The following USP47 variants were observed in gnomAD, a reference collection of about 807,000 sequenced individuals.
USP47 encodes ubiquitin specific peptidase 47.
In USP47, 35 loss-of-function variants were observed where a neutral mutation model predicts 165.1. That is an observed-to-expected ratio of 0.21 (90% CI 0.16 to 0.28). The LOEUF is 0.28. Among genes scored for constraint, USP47 ranks in the 10% least tolerant of loss-of-function variants. The pLI is 1.00. For missense variants in USP47, 1,277 were observed against 1,607.4 expected, an observed-to-expected ratio of 0.79 and a Z score of 3.52; for synonymous variants, 531 against 544.5, an observed-to-expected ratio of 0.98 and a Z score of 0.35.
At chr11:11,941,021 A>C (rs1052924191) in intron 19 of USP47, among the ~76,000 whole-genome samples, 1 of 151,130 alleles carries the variant, frequency 6.6e-6, no homozygotes. Context: ...TTGCCTACTT[A>C]TTTTTCTCTG....
intron 18 of USP47, among the ~76,000 whole-genome samples, chr11:11,939,136 G>C (rs1184979997): frequency 2.0e-5 from 3 of 151,862 alleles, no homozygotes; most frequent in Non-Finnish European, 4.4e-5. Flanking sequence ...TCAAATTTTG[G>C]GGGGCAAAAG....
In USP47 at chr11:11,900,222, G is replaced by T. The variant is rs916558968; in HGVS notation, c.594-2493G>T. The stretch of plus-strand genomic sequence containing the variant: ...CGCCCAGGCTGGAGTGCAGTGGCGC[G>T]ATCTCGGCTCACTGCAGGCTCTGCC... On this transcript the variant is annotated intron_variant, in intron 5 of 27. Coordinates refer to ENST00000527733, the MANE Select transcript of USP47 (RefSeq NM_001282659.2). Among the ~76,000 whole-genome samples the T allele has an allele frequency of 2.1e-5, 3 of 145,782 alleles. No individual in the cohort carries two copies. The East Asian group carries it at 6.1e-4, about 30-fold the overall frequency.
chr11:11,882,429 A>T (rs1433570140), intron 2 of USP47, among the ~76,000 whole-genome samples: 1 of 152,158 alleles, frequency 6.6e-6, no homozygotes, highest in Non-Finnish European at 1.5e-5. Context: ...TTATTCCATA[A>T]TATATTTGTT....
rs751301988 is a variant in USP47 at position 11,942,784 on chromosome 11, A to G, written c.2763A>G (p.Glu921=). 1 of 1,613,662 alleles carries G rather than the reference A, an allele frequency of 6.2e-7. No individual in the cohort carries two copies. The highest frequency in any genetic ancestry group is 1.1e-5 in the South Asian group (1 of 91,060). ...CTGATCCAGAAAATTTTCAGTCTGA[A>G]GAACGATCAGACTCAGATGTGAATA... The part of the protein sequence containing the change: ...QTSDPENFQS[E]ERSDSDVNND... Residue 921 remains glutamate (E), a synonymous_variant, in exon 20 of 28, where the codon GAA becomes GAG. Transcript: ENST00000527733.
At chr11:11,922,172 C>T (rs1172491917) in intron 10 of USP47, among the ~76,000 whole-genome samples, 2 of 147,556 alleles carry the variant, frequency 1.4e-5, no homozygotes, top group Non-Finnish European at 3.0e-5. Context: ...TGGTTTAAAA[C>T]CATAAAGTAG....
chr11:11,894,917 A>G (rs1432324158), intron 4 of USP47, among the ~76,000 whole-genome samples: 2 of 152,086 alleles, frequency 1.3e-5, no homozygotes, highest in Admixed American at 6.6e-5. Context: ...TCTTTCCTCT[A>G]TATGTGTACT....
intron 3 of USP47, 112 bp downstream of exon 3, chr11:11,884,692 T>C (rs960941396): frequency 7.1e-6 from 5 of 703,152 alleles, no homozygotes; most frequent in Non-Finnish European, 1.2e-5. Context: ...GTGTAATAAA[T>C]TAATATTTTT....
rs2134949708 is a variant in USP47 at position 11,959,132 on chromosome 11, A to G, written c.*2957A>G. On this transcript the variant is annotated 3_prime_UTR_variant, in exon 28 of 28. Transcript: ENST00000527733. ...GTGACCTGTGAATGTATGGAATACA[A>G]TAAAGTCTTTTATTCTGGTTCATTT... is the stretch of plus-strand genomic sequence containing the variant. 6.6e-6 allele frequency: 1 copy of G among 152,342 alleles called. No individual in the cohort carries two copies. The highest frequency in any genetic ancestry group is 3.4e-3 in the Middle Eastern group (1 of 294). The allele number at this position is 152,342 out of a possible 1,614,324, so 9.4% of individuals were successfully genotyped here.
chr11:11,918,733 A>C (rs1476480468), intron 8 of USP47, among the ~76,000 whole-genome samples: 1 of 152,000 alleles, frequency 6.6e-6, no homozygotes, highest in Non-Finnish European at 1.5e-5. Flanking sequence ...TATAAGCCGG[A>C]GACCAATACA....
Position 11,933,912 on chromosome 11 carries a change from G to A in USP47, c.1846G>A (p.Glu616Lys), listed in dbSNP as rs1162496387. The change falls in exon 16 of 28, where the codon GAA becomes AAA. Residue 616 changes from glutamate to lysine, a missense_variant. Transcript: ENST00000527733. ...LEVHKDKTLK[E>K]AVEMAYKMMD... ...GGTTCATAAGGATAAGACATTAAAG[G>A]AAGCAGTAGAAATGGCTTATAAGGT... The A allele has an allele frequency of 1.2e-6, 2 of 1,608,252 alleles. No homozygotes were observed. The highest frequency in any genetic ancestry group is 1.7e-5 in the Admixed American group (1 of 59,792).
At chr11:11,868,190 A>G (rs1326704362) in intron 1 of USP47, among the ~76,000 whole-genome samples, 1 of 152,218 alleles carries the variant, frequency 6.6e-6, no homozygotes, top group African/African-American at 2.4e-5. Flanking sequence ...ATAATACACT[A>G]TCAGAACCAA....
At chr11:11,872,027 A>G (rs565565332) in intron 1 of USP47, among the ~76,000 whole-genome samples, 8 of 152,318 alleles carry the variant, frequency 5.3e-5, no homozygotes, top group South Asian at 2.1e-4. Flanking sequence ...CTATATAACA[A>G]TCTGCCCCCA....
intron 24 of USP47, 33 bp downstream of exon 24, chr11:11,950,515 T>G: frequency 3.6e-6 from 5 of 1,389,784 alleles, no homozygotes; most frequent in Non-Finnish European, 5.0e-6. Context: ...GAAGTATCAG[T>G]TAGAAATACT....
intron 17 of USP47, among the ~76,000 whole-genome samples, chr11:11,937,990 A>G (rs1230163761): frequency 6.6e-6 from 1 of 151,998 alleles, no homozygotes; most frequent in Non-Finnish European, 1.5e-5. Flanking sequence ...TCCTTGGGAT[A>G]TAGGAAATAT....
At chr11:11,924,477 TAA>T (rs1854092224) in intron 11 of USP47, among the ~76,000 whole-genome samples, 1 of 152,220 alleles carries the variant, frequency 6.6e-6, no homozygotes. Context: ...GCTCATGTAA[TAA>T]GTTAGGGAAT....
At chr11:11,906,712 A>G (rs1468359225) in intron 8 of USP47, among the ~76,000 whole-genome samples, 1 of 152,134 alleles carries the variant, frequency 6.6e-6, no homozygotes, top group African/African-American at 2.4e-5. Context: ...ATGGCCATCT[A>G]GGTGTATTAA....
At chr11:11,845,502 A>C (rs903152474) in intron 1 of USP47, among the ~76,000 whole-genome samples, 1 of 152,116 alleles carries the variant, frequency 6.6e-6, no homozygotes, top group East Asian at 1.9e-4. Flanking sequence ...GGCGACATCT[A>C]TTATGATCTG....
At chr11:11,850,412 GA>G (rs11388886) in intron 1 of USP47, among the ~76,000 whole-genome samples, 3 of 143,488 alleles carry the variant, frequency 2.1e-5, no homozygotes, top group East Asian at 4.0e-4. Flanking sequence ...TCCTTTTTTT[GA>G]AAAAAAAATC....
At chr11:11,954,545 A>G (rs960643879) in intron 25 of USP47, among the ~76,000 whole-genome samples, 1 of 152,214 alleles carries the variant, frequency 6.6e-6, no homozygotes, top group Non-Finnish European at 1.5e-5. Flanking sequence ...CTCAGTGTCC[A>G]TCAGTAGGAG....
Sources: gnomAD v4.1 joint callset for allele counts (sites outside exome capture counted in the v4.1 genomes callset) on GRCh38, gnomAD v4.1.1 for gene constraint, MANE v1.5 for transcripts, NCBI Gene and HGNC (gene_info 2026-07-23, HGNC 2026-07-21) for gene names.